Variants in TMCO5A observed in about 807,000 individuals in gnomAD.
TMCO5A encodes the protein transmembrane and coiled-coil domains 5A, also known as transmembrane and coiled-coil domain-containing protein 5A.
TMCO5A carries 34 observed loss-of-function variants against 42.3 expected under a neutral mutation model. The ratio of observed to expected loss-of-function variants is 0.80; its 90% CI spans 0.61 to 1.07. The LOEUF (loss-of-function observed/expected upper bound fraction) is 1.07. Ranked by LOEUF, TMCO5A falls within the 50% of genes least tolerant of loss-of-function variation. TMCO5A has a pLI of 0.00. For missense variants in TMCO5A, 357 were observed against 327.9 expected (o/e 1.09, Z -0.69); for synonymous variants, 131 against 115.6 (o/e 1.13, Z -0.86).
chr15:38,025,556 T>C, the TMCO5A span, among the ~76,000 whole-genome samples: 4 of 152,134 alleles, frequency 2.6e-5, no homozygotes, highest in African/African-American at 9.7e-5. Flanking sequence ...CTGGCAACAG[T>C]TTAATATTTA....
chr15:38,029,277 T>TAC, the TMCO5A span, among the ~76,000 whole-genome samples: 10 of 151,654 alleles, frequency 6.6e-5, no homozygotes, highest in East Asian at 9.7e-4. Flanking sequence ...GTATACAGTC[T>TAC]ACACACACAC....
At chr15:38,021,771 G>A in the TMCO5A span, among the ~76,000 whole-genome samples, 41 of 149,674 alleles carry the variant, frequency 2.7e-4, no homozygotes, top group South Asian at 7.2e-3. Context: ...ATTCAATGTA[G>A]CAAAAAACTA....
chr15:37,957,413 G>A (rs527868695), intron 11 of TMCO5A, among the ~76,000 whole-genome samples: 2 of 150,602 alleles, frequency 1.3e-5, no homozygotes, highest in South Asian at 2.1e-4. Flanking sequence ...CAAAATCAAT[G>A]TGCAAAAATC....
the TMCO5A span, among the ~76,000 whole-genome samples, chr15:37,983,103 C>T: frequency 2.6e-5 from 4 of 152,104 alleles, no homozygotes; most frequent in African/African-American, 7.2e-5. Flanking sequence ...AAGCTGAGTT[C>T]ATTCTTCCAT....
the TMCO5A span, among the ~76,000 whole-genome samples, chr15:38,022,093 A>G: frequency 6.6e-6 from 1 of 152,190 alleles, no homozygotes; most frequent in Non-Finnish European, 1.5e-5. Context: ...TACAGGCGTG[A>G]GCCATCACAC....
chr15:37,997,343 A>G, the TMCO5A span, among the ~76,000 whole-genome samples: 1 of 152,240 alleles, frequency 6.6e-6, no homozygotes, highest in East Asian at 1.9e-4. Flanking sequence ...TTTAAATGAC[A>G]TTGTAAATTC....
the TMCO5A span, among the ~76,000 whole-genome samples, chr15:38,025,451 C>T: frequency 6.6e-6 from 1 of 152,044 alleles, no homozygotes; most frequent in South Asian, 2.1e-4. Context: ...CTTCTTCTCT[C>T]CATCTTTCAA....
chr15:37,938,053 C>T, intron 5 of TMCO5A, 105 bp from the exon 6 acceptor site: 2 of 906,492 alleles, frequency 2.2e-6, no homozygotes, highest in South Asian at 3.0e-5. Flanking sequence ...AGGACCATAT[C>T]CTGGAAAGGT....
intron 11 of TMCO5A, among the ~76,000 whole-genome samples, chr15:37,958,056 G>T (rs1437189714): frequency 1.3e-5 from 2 of 152,130 alleles, no homozygotes; most frequent in African/African-American, 2.4e-5. Flanking sequence ...GCTGAAACTG[G>T]ATCCCTTCCT....
chr15:37,957,852 T>C (rs1032937024), intron 11 of TMCO5A, among the ~76,000 whole-genome samples: 12 of 152,144 alleles, frequency 7.9e-5, no homozygotes, highest in African/African-American at 2.7e-4. Context: ...ACTACAAGGC[T>C]ACAGTAACCA....
At chr15:37,995,852 A>AAAAC in the TMCO5A span, among the ~76,000 whole-genome samples, 3 of 152,022 alleles carry the variant, frequency 2.0e-5, no homozygotes, top group Non-Finnish European at 4.4e-5. Context: ...CTCCAAAAAA[A>AAAAC]AAACAAACAA....
chr15:37,937,484 A>G (rs957106298), intron 5 of TMCO5A, 88 bp downstream of exon 5: 2 of 1,427,560 alleles, frequency 1.4e-6, no homozygotes, highest in Non-Finnish European at 2.0e-6. Context: ...ATCATAGAGG[A>G]ACCCATAAGT....
intron 11 of TMCO5A, among the ~76,000 whole-genome samples, chr15:37,949,650 G>C (rs1188481222): frequency 2.0e-5 from 3 of 151,772 alleles, no homozygotes; most frequent in Admixed American, 2.0e-4. Context: ...TATGAGATTG[G>C]ATCACTAAAT....
the TMCO5A span, among the ~76,000 whole-genome samples, chr15:37,980,338 C>T: frequency 2.0e-4 from 30 of 152,314 alleles, 1 homozygote; most frequent in South Asian, 6.2e-3. Flanking sequence ...CTAAGATCCT[C>T]AGGAAGCCAC....
the TMCO5A span, among the ~76,000 whole-genome samples, chr15:38,018,522 G>A: frequency 2.0e-5 from 3 of 151,860 alleles, no homozygotes; most frequent in African/African-American, 7.3e-5. Flanking sequence ...AATAAAAATT[G>A]TTGGCCTGTA....
chr15:38,012,827 G>T, the TMCO5A span, among the ~76,000 whole-genome samples: 31,173 of 151,998 alleles, frequency 0.21, 3,600 homozygotes, highest in Non-Finnish European at 0.26. Context: ...GTAATTTGAA[G>T]AGGAAATGTT....
At chr15:38,012,500 T>A in the TMCO5A span, among the ~76,000 whole-genome samples, 1 of 152,136 alleles carries the variant, frequency 6.6e-6, no homozygotes, top group African/African-American at 2.4e-5. Flanking sequence ...AAGCCTGTTG[T>A]CTCAACTCCC....
chr15:38,005,729 G>A, the TMCO5A span, among the ~76,000 whole-genome samples: 7 of 152,186 alleles, frequency 4.6e-5, no homozygotes, highest in Non-Finnish European at 1.0e-4. Flanking sequence ...ATTGAAAACT[G>A]TATGATGAAA....
At position 37,956,893 on chromosome 15, in the gene TMCO5A, C is replaced by T. The variant is rs904149172; in HGVS notation, c.668+9197C>T. ...AGCATATCAAAAAGCTTGTCCACTA[C>T]GATCAAGTTGGCTTCATCCCTGGGA... On this transcript the variant is annotated intron_variant, in intron 11 of 11. Transcript: ENST00000559502. 7.9e-5 allele frequency among the ~76,000 whole-genome samples: 12 copies of T among 152,034 alleles called. 1 individual carries two copies. The highest frequency in any genetic ancestry group is 1.2e-4 in the Non-Finnish European group (8 of 67,980).
Sources: gnomAD v4.1 joint callset for allele counts (sites outside exome capture counted in the v4.1 genomes callset) on GRCh38, gnomAD v4.1.1 for gene constraint, MANE v1.5 for transcripts, NCBI Gene and HGNC (gene_info 2026-07-23, HGNC 2026-07-21) for gene names.